The following H3-3B variants were observed in gnomAD, a reference collection of about 807,000 sequenced individuals.
H3-3B encodes histone H3.3.
H3-3B carries 2 observed loss-of-function variants against 13.1 expected under a neutral mutation model. The ratio of observed to expected loss-of-function variants is 0.15; its 90% CI spans 0.06 to 0.48. The LOEUF (loss-of-function observed/expected upper bound fraction) is 0.48. H3-3B is among the 20% of genes least tolerant of loss of function. H3-3B has a pLI of 0.97. For synonymous variants in H3-3B, 133 were observed against 75.8 expected (o/e 1.76, Z -3.92); for missense variants, 39 against 186.0 (o/e 0.21, Z 4.60).
chr17:75,777,613 G>A lies in H3-3B; in HGVS notation c.*982C>T, dbSNP rs955500876. Reference sequence around the variant, plus strand: ...ACCTAACCCAACACCATCTTAATTGGCAGAGGTTCAGTGGGCTGGAGTTTT... The same window carrying A: ...ACCTAACCCAACACCATCTTAATTGACAGAGGTTCAGTGGGCTGGAGTTTT... On this transcript the variant is annotated 3_prime_UTR_variant, in exon 4 of 4. Coordinates refer to ENST00000254810, the MANE Select transcript of H3-3B (RefSeq NM_005324.5). 10 of 152,622 alleles carry A rather than the reference G, an allele frequency of 6.6e-5. No individual in the cohort carries two copies. The highest frequency in any genetic ancestry group is 2.4e-4 in the African/African-American group (10 of 41,566). 9.5% of individuals were successfully genotyped at this position (152,622 alleles called of 1,614,324 possible). A position where few individuals can be genotyped will look rare whatever the true frequency, so the allele number is the denominator to read the frequency against.
intron 1 of H3-3B, 101 bp downstream of exon 1, chr17:75,779,556 G>A (rs1280320847): frequency 6.3e-6 from 1 of 159,514 alleles, no homozygotes; most frequent in Non-Finnish European, 1.4e-5. Context: ...CCCGACGCCA[G>A]CGGCCCGAGC....
chr17:75,777,037 T>A lies in H3-3B; in HGVS notation c.*1558A>T, dbSNP rs796815716. ...AAGCAATTTTAATGGGGTATAACTT[T>A]AAGCAGTTGCTAACTTCAAACGTGG... On this transcript the variant is annotated 3_prime_UTR_variant, in exon 4 of 4. Transcript: ENST00000254810. The A allele has an allele frequency of 9.2e-5, 14 of 152,342 alleles. No homozygotes were observed. The highest frequency in any genetic ancestry group is 3.4e-4 in the African/African-American group (14 of 41,576). The allele number at this position is 152,342 out of a possible 1,614,324, so 9.4% of individuals were successfully genotyped here.
rs73997618 is a variant in H3-3B at position 75,777,208 on chromosome 17, G to A, written c.*1387C>T. The stretch of plus-strand genomic sequence containing the variant: ...CTGTGGGCTTCTACACTACGGAACG[G>A]GAGTGGGGGGGCTGAAAAGCTTATT... On this transcript the variant is annotated 3_prime_UTR_variant, in exon 4 of 4. Transcript: ENST00000254810. The A allele has an allele frequency of 1.3e-5, 2 of 150,408 alleles. No homozygotes were observed. Among genetic ancestry groups the A allele is most frequent in the South Asian group, 4.2e-4 (2 of 4,800 alleles). 9.3% of individuals were successfully genotyped at this position (150,408 alleles called of 1,614,324 possible). A position where few individuals can be genotyped will look rare whatever the true frequency, so the allele number is the denominator to read the frequency against.
In H3-3B at chr17:75,777,713, AGAG is replaced by A. The variant is rs1255858892; in HGVS notation, c.*879_*881del. 10 of 152,466 alleles carry A rather than the reference AGAG, an allele frequency of 6.6e-5. No homozygotes were observed. The highest frequency in any genetic ancestry group is 1.9e-4 in the East Asian group (1 of 5,202). 9.4% of individuals were successfully genotyped at this position (152,466 alleles called of 1,614,324 possible). A position where few individuals can be genotyped will look rare whatever the true frequency, so the allele number is the denominator to read the frequency against. On this transcript the variant is annotated 3_prime_UTR_variant, in exon 4 of 4. Coordinates refer to ENST00000254810, the MANE Select transcript of H3-3B (RefSeq NM_005324.5). ...AGAACTTCGGTACTGTTTCCTCAGC[AGAG>A]GAGAAAAACTCAACCTAGTTATGAG...
Position 75,778,317 on chromosome 17 carries a change from C to T in H3-3B, c.*278G>A, listed in dbSNP as rs1485438074. 4.6e-6 allele frequency: 2 copies of T among 433,036 alleles called. No homozygotes were observed. Among genetic ancestry groups the T allele is most frequent in the Non-Finnish European group, 4.2e-6 (1 of 238,886 alleles). 26.8% of individuals were successfully genotyped at this position (433,036 alleles called of 1,614,324 possible). A position where few individuals can be genotyped will look rare whatever the true frequency, so the allele number is the denominator to read the frequency against. On this transcript the variant is annotated 3_prime_UTR_variant, in exon 4 of 4. Transcript: ENST00000254810. The stretch of plus-strand genomic sequence containing the variant: ...TTTATCAACTCTAGTACCTTAATAG[C>T]TACCCAACAAGTCATTAACATACAG...
rs922511770 is a variant in H3-3B at position 75,779,746 on chromosome 17, A to G, written c.-100T>C. 3 of 153,518 alleles carry G rather than the reference A, an allele frequency of 2.0e-5. No homozygotes were observed. The highest frequency in any genetic ancestry group is 4.4e-5 in the Non-Finnish European group (3 of 68,038). 9.5% of individuals were successfully genotyped at this position (153,518 alleles called of 1,614,324 possible). On this transcript the variant is annotated 5_prime_UTR_variant, in exon 1 of 4. Coordinates refer to ENST00000254810, the MANE Select transcript of H3-3B (RefSeq NM_005324.5). ...CGCAGTCGACGAGCGAAAAACCAGC[A>G]CCGCCCAACGAACGACCAAACCGCT...
chr17:75,778,733 A>G lies in H3-3B; in HGVS notation c.283-10T>C. 2 of 1,614,128 alleles carry G rather than the reference A, an allele frequency of 1.2e-6. No homozygotes were observed. The highest frequency in any genetic ancestry group is 1.7e-6 in the Non-Finnish European group (2 of 1,180,004). Reference sequence around the variant, plus strand: ...ACGCTTCGCTAGCCTCCTGTTGAGGACGAGAGCCGCACTATTAATCCCACT... The same window carrying G: ...ACGCTTCGCTAGCCTCCTGTTGAGGGCGAGAGCCGCACTATTAATCCCACT... On this transcript the variant is annotated splice_polypyrimidine_tract_variant and intron_variant, in intron 3 of 3. Coordinates refer to ENST00000254810, the MANE Select transcript of H3-3B (RefSeq NM_005324.5).
rs59192178 is a variant in H3-3B, at chr17:75,777,228, CTTA to C, written c.*1364_*1366del. 0.097 allele frequency: 14,691 copies of C among 152,080 alleles called. 1,451 individuals are homozygous for C. The highest frequency in any genetic ancestry group is 0.35 in the East Asian group (1,783 of 5,146). The allele number at this position is 152,080 out of a possible 1,614,324, so 9.4% of individuals were successfully genotyped here. A position where few individuals can be genotyped will look rare whatever the true frequency, so the allele number is the denominator to read the frequency against. On this transcript the variant is annotated 3_prime_UTR_variant, in exon 4 of 4. Transcript: ENST00000254810. The stretch of plus-strand genomic sequence containing the variant: ...GAACGGGAGTGGGGGGGCTGAAAAG[CTTA>C]TTAATATACTTTGTCTTAGCCCACA...
In H3-3B at chr17:75,777,759, A is replaced by G. The variant is rs2061645637; in HGVS notation, c.*836T>C. On this transcript the variant is annotated 3_prime_UTR_variant, in exon 4 of 4. Transcript: ENST00000254810. Reference sequence around the variant, plus strand: ...GTTATGAGACCAACCACACAACACAATGAAAAGCTGCACTAACTAGTTCAG... The same window carrying G: ...GTTATGAGACCAACCACACAACACAGTGAAAAGCTGCACTAACTAGTTCAG... 1 of 152,490 alleles carries G rather than the reference A, an allele frequency of 6.6e-6. No individual in the cohort carries two copies. Among genetic ancestry groups the G allele is most frequent in the Admixed American group, 6.5e-5 (1 of 15,282 alleles). The allele number at this position is 152,490 out of a possible 1,614,324, so 9.4% of individuals were successfully genotyped here.
rs1567785280 is a variant in H3-3B, at chr17:75,778,545, C to G, written c.*50G>C. On this transcript the variant is annotated 3_prime_UTR_variant, in exon 4 of 4. Coordinates refer to ENST00000254810, the MANE Select transcript of H3-3B (RefSeq NM_005324.5). ...TTACAAAAAAAGTCACAAATTAAAC[C>G]AAAGTATTTTACAGAATTTACTACA... 6.4e-7 allele frequency: 1 copy of G among 1,573,428 alleles called. No individual in the cohort carries two copies. Among genetic ancestry groups the G allele is most frequent in the African/African-American group, 1.4e-5 (1 of 73,196 alleles).
chr17:75,778,504 T>G lies in H3-3B; in HGVS notation c.*91A>C. ...GAATGACTTAAGTACAAATGCAACATATTATAAACAATTTCTTACAAAAAA... is the reference window on the plus strand; with the variant it reads ...GAATGACTTAAGTACAAATGCAACAGATTATAAACAATTTCTTACAAAAAA... On this transcript the variant is annotated 3_prime_UTR_variant, in exon 4 of 4. Coordinates refer to ENST00000254810, the MANE Select transcript of H3-3B (RefSeq NM_005324.5). 1.3e-6 allele frequency: 2 copies of G among 1,506,402 alleles called. No individual in the cohort carries two copies. The highest frequency in any genetic ancestry group is 1.8e-6 in the Non-Finnish European group (2 of 1,112,888). 93.3% of individuals were successfully genotyped at this position (1,506,402 alleles called of 1,614,324 possible).
rs192743683 is a variant in H3-3B at position 75,779,493 on chromosome 17, G to T, written c.-11+164C>A. 217 of 220,974 alleles carry T rather than the reference G, an allele frequency of 9.8e-4. 4 individuals carry two copies. In the Middle Eastern group the frequency reaches 0.016, roughly 16 times the overall value. 13.7% of individuals were successfully genotyped at this position (220,974 alleles called of 1,614,324 possible). On this transcript the variant is annotated intron_variant, in intron 1 of 3. Coordinates refer to ENST00000254810, the MANE Select transcript of H3-3B (RefSeq NM_005324.5). ...TGAATCACCGCCGGGAAAAGGCGGGGACACAGTTCCGGAACAAAGCCCCAA... is the reference window on the plus strand; with the variant it reads ...TGAATCACCGCCGGGAAAAGGCGGGTACACAGTTCCGGAACAAAGCCCCAA...
intron 1 of H3-3B, 191 bp from the exon 2 acceptor site, chr17:75,779,375 CAGCCTCCCCCGGGAGGGGG>C (rs2061654956): frequency 2.0e-6 from 1 of 491,102 alleles, no homozygotes; most frequent in African/African-American, 2.0e-5. Flanking sequence ...CGAGGAGCGG[CAGCCTCCCCCGGGAGGGGG>C]AGCGCGGGGA....
chr17:75,778,787 C>T, intron 3 of H3-3B, 23 bp downstream of exon 3: 1 of 1,614,148 alleles, frequency 6.2e-7, no homozygotes, highest in Non-Finnish European at 8.5e-7. Context: ...CAGCCCTCCC[C>T]CGGCTCCAGG....
rs934307205 is a variant in H3-3B at position 75,779,386 on chromosome 17, G to C, written c.-10-202C>G. 3.4e-5 allele frequency: 15 copies of C among 441,974 alleles called. No individual in the cohort carries two copies. In the South Asian group the frequency reaches 1.0e-3, roughly 29 times the overall value. The allele number at this position is 441,974 out of a possible 1,614,324, so 27.4% of individuals were successfully genotyped here. A position where few individuals can be genotyped will look rare whatever the true frequency, so the allele number is the denominator to read the frequency against. On this transcript the variant is annotated intron_variant, in intron 1 of 3. Transcript: ENST00000254810. Reference sequence around the variant, plus strand: ...GCTGCGAGGAGCGGCAGCCTCCCCCGGGAGGGGGAGCGCGGGGAGGAGTCA... The same window carrying C: ...GCTGCGAGGAGCGGCAGCCTCCCCCCGGAGGGGGAGCGCGGGGAGGAGTCA...
Position 75,779,136 on chromosome 17 carries a change from A to G in H3-3B, c.39T>C (p.Gly13=), listed in dbSNP as rs753988472. 5 of 1,597,810 alleles carry G rather than the reference A, an allele frequency of 3.1e-6. No individual in the cohort carries two copies. The Admixed American group carries it at 5.5e-5, about 17-fold the overall frequency. Residue 13 remains glycine (G), a synonymous_variant, in exon 2 of 4, where the codon GGT becomes GGC. Coordinates refer to ENST00000254810, the MANE Select transcript of H3-3B (RefSeq NM_005324.5). The part of the protein sequence containing the change: ...RTKQTARKST[G]GKAPRKQLAT... ...CCAGCTGTTTGCGGGGGGCTTTCCC[A>G]CCGGTGGACTTACGAGCAGTCTGCT...
At position 75,779,049 on chromosome 17, in the gene H3-3B, G is replaced by A. The variant is rs1254044391; in HGVS notation, c.126C>T (p.Tyr42=). Reference sequence around the variant, plus strand: ...CATTGTTCCCCCGCCCGACCTACCTGTAGCGATGAGGCTTCTTCACCCCGC... The same window carrying A: ...CATTGTTCCCCCGCCCGACCTACCTATAGCGATGAGGCTTCTTCACCCCGC... ...STGGVKKPHR[Y]RPGTVALREI... The change falls in exon 2 of 4, where the codon TAC becomes TAT. Residue 42 remains tyrosine (Y), a splice_region_variant and synonymous_variant. Coordinates refer to ENST00000254810, the MANE Select transcript of H3-3B (RefSeq NM_005324.5). 1.9e-6 allele frequency: 3 copies of A among 1,609,450 alleles called. No individual in the cohort carries two copies. The highest frequency in any genetic ancestry group is 2.5e-6 in the Non-Finnish European group (3 of 1,177,590).
In H3-3B at chr17:75,778,594, C is replaced by G. The variant is rs138810132; in HGVS notation, c.*1G>C. On this transcript the variant is annotated 3_prime_UTR_variant, in exon 4 of 4. Coordinates refer to ENST00000254810, the MANE Select transcript of H3-3B (RefSeq NM_005324.5). ...CAAAACGCCATAAAAACTGCCTTCA[C>G]TTAAGCTCTCTCTCCCCGTATCCGG... The G allele has an allele frequency of 4.0e-5, 64 of 1,612,142 alleles. No individual in the cohort carries two copies. The highest frequency in any genetic ancestry group is 5.3e-5 in the Non-Finnish European group (63 of 1,179,212).
In H3-3B at chr17:75,779,041, A is replaced by T; in HGVS notation, c.128+6T>A. 1 of 1,608,894 alleles carries T rather than the reference A, an allele frequency of 6.2e-7. No homozygotes were observed. The highest frequency in any genetic ancestry group is 8.5e-7 in the Non-Finnish European group (1 of 1,177,314). On this transcript the variant is annotated splice_donor_region_variant and intron_variant, in intron 2 of 3. Transcript: ENST00000254810. ...CGCCGGGCCATTGTTCCCCCGCCCG[A>T]CCTACCTGTAGCGATGAGGCTTCTT...
Sources: allele counts gnomAD v4.1 joint callset, GRCh38; gene constraint gnomAD v4.1.1; transcripts MANE v1.5; gene names NCBI Gene and HGNC (gene_info 2026-07-23, HGNC 2026-07-21).